CFAP70: variants seen among roughly 807,000 people sequenced by gnomAD.
The protein encoded by CFAP70 is cilia- and flagella-associated protein 70.
In CFAP70, 81 loss-of-function variants were observed where a neutral mutation model predicts 137.6. The observed-to-expected ratio is 0.59, with a 90% confidence interval of 0.49 to 0.71. The LOEUF (loss-of-function observed/expected upper bound fraction) is 0.71. Ranked by LOEUF, CFAP70 falls within the 30% of genes least tolerant of loss-of-function variation. The pLI, the probability that CFAP70 is intolerant of heterozygous loss-of-function variation, is 0.00. For missense variants in CFAP70, 976 were observed against 1,226.7 expected, an observed-to-expected ratio of 0.80 and a Z score of 3.05; for synonymous variants, 382 against 423.6, an observed-to-expected ratio of 0.90 and a Z score of 1.20.
At chr10:73,260,496 T>TA (rs61564676) in intron 25 of CFAP70, among the ~76,000 whole-genome samples, 10,433 of 152,116 alleles carry the variant, frequency 0.069, 591 homozygotes, top group East Asian at 0.29. Flanking sequence ...AGTGTCTTTA[T>TA]AAAAAAATAG....
intron 9 of CFAP70, among the ~76,000 whole-genome samples, chr10:73,322,216 C>G (rs2050926881): frequency 6.6e-6 from 1 of 152,178 alleles, no homozygotes; most frequent in Non-Finnish European, 1.5e-5. Flanking sequence ...ATGAAACCAT[C>G]ATCACAATCA....
intron 25 of CFAP70, among the ~76,000 whole-genome samples, chr10:73,268,697 T>C (rs2045986549): frequency 7.0e-6 from 1 of 142,956 alleles, no homozygotes; most frequent in Non-Finnish European, 1.5e-5. Context: ...TTTCTTCTTT[T>C]TTTTCTTTTT....
chr10:73,358,620 G>C (rs2054859701), intron 1 of CFAP70, 158 bp downstream of exon 1: 1 of 152,532 alleles, frequency 6.6e-6, no homozygotes, highest in South Asian at 2.1e-4. Flanking sequence ...AGCTAAGGGA[G>C]CAGAAGATCG....
At chr10:73,283,252 C>A (rs2047396384) in intron 19 of CFAP70, among the ~76,000 whole-genome samples, 2 of 152,054 alleles carry the variant, frequency 1.3e-5, no homozygotes, top group Non-Finnish European at 2.9e-5. Flanking sequence ...AGTTTTATTG[C>A]CTAGGATATA....
In CFAP70 at chr10:73,256,353, G is replaced by C. The variant is rs376562285; in HGVS notation, c.3075+16C>G. The C allele has an allele frequency of 5.0e-6, 8 of 1,614,026 alleles. No homozygotes were observed. The African/African-American group carries it at 1.1e-4, about 22-fold the overall frequency. ...TAACATGGGGCAGGCAAATGACAGA[G>C]GCATCTGTGTCATACCTTGATCATG... On this transcript the variant is annotated intron_variant, in intron 26 of 26. Coordinates refer to ENST00000310715, the Ensembl canonical transcript of CFAP70.
At chr10:73,355,846 T>C (rs367815984) in intron 1 of CFAP70, among the ~76,000 whole-genome samples, 2 of 152,298 alleles carry the variant, frequency 1.3e-5, no homozygotes, top group East Asian at 3.9e-4. Flanking sequence ...AAATGTAATG[T>C]GGTTGAATCA....
intron 19 of CFAP70, 42 bp from the exon 21 acceptor site, chr10:73,278,379 T>G: frequency 6.5e-7 from 1 of 1,545,280 alleles, no homozygotes; most frequent in East Asian, 2.3e-5. Context: ...ACTTCTTACA[T>G]TGGGTGTTTA....
chr10:73,295,843 C>T (rs2048511536), intron 15 of CFAP70: 1 of 152,140 alleles, frequency 6.6e-6, no homozygotes, highest in South Asian at 2.1e-4. Flanking sequence ...CCATAGCATC[C>T]ATATTTCATA....
intron 8 of CFAP70, among the ~76,000 whole-genome samples, chr10:73,327,706 A>C (rs1231133829): frequency 3.3e-5 from 5 of 152,146 alleles, no homozygotes; most frequent in Admixed American, 2.0e-4. Context: ...AGACAAACAG[A>C]CAGCCAAATC....
chr10:73,300,874 A>C (rs1227459526), intron 12 of CFAP70, among the ~76,000 whole-genome samples: 6 of 152,236 alleles, frequency 3.9e-5, no homozygotes, highest in Admixed American at 3.3e-4. Context: ...AAAATAAAAA[A>C]ATAAAAATAG....
In CFAP70 at chr10:73,275,758, GCA is replaced by G. The variant is rs2046678865; in HGVS notation, c.2521-162_2521-161del. ...GTAAAGGGTGAATTACAAACATTCT[GCA>G]CTTCATAGTTCCATTACCAGCTATT... On this transcript the variant is annotated intron_variant, in intron 21 of 26. Transcript: ENST00000310715. This position sits in a 1 kb window ranked among gnomAD's most constrained non-coding sequence, Gnocchi z 4.0. 1.7e-6 allele frequency: 1 copy of G among 602,844 alleles called. No individual in the cohort carries two copies. The highest frequency in any genetic ancestry group is 2.6e-6 in the Non-Finnish European group (1 of 377,840). The allele number at this position is 602,844 out of a possible 1,614,324, so 37.3% of individuals were successfully genotyped here.
chr10:73,346,995 A>C (rs2053767620), intron 4 of CFAP70: 1 of 152,198 alleles, frequency 6.6e-6, no homozygotes, highest in Admixed American at 6.5e-5. Flanking sequence ...TACAGATCAA[A>C]TTCTTTGTTC....
In CFAP70 at chr10:73,275,762, T is replaced by G. The variant is rs1837537225; in HGVS notation, c.2521-164A>C. On this transcript the variant is annotated intron_variant, in intron 21 of 26. Coordinates refer to ENST00000310715, the Ensembl canonical transcript of CFAP70. The surrounding 1 kb of genome is among the most constrained non-coding windows in gnomAD (Gnocchi z 4.0). ...AGGGTGAATTACAAACATTCTGCAC[T>G]TCATAGTTCCATTACCAGCTATTCA... 1.7e-6 allele frequency: 1 copy of G among 583,178 alleles called. No individual in the cohort carries two copies. Among genetic ancestry groups the G allele is most frequent in the African/African-American group, 2.0e-5 (1 of 51,278 alleles). The allele number at this position is 583,178 out of a possible 1,614,324, so 36.1% of individuals were successfully genotyped here.
At chr10:73,316,842 A>T (rs141522864) in intron 9 of CFAP70, among the ~76,000 whole-genome samples, 35 of 151,970 alleles carry the variant, frequency 2.3e-4, no homozygotes, top group African/African-American at 7.7e-4. Flanking sequence ...CTATTTCTAA[A>T]CTCCTTTGTA....
At chr10:73,336,743 G>A (rs578033298) in intron 6 of CFAP70, among the ~76,000 whole-genome samples, 12 of 151,802 alleles carry the variant, frequency 7.9e-5, no homozygotes, top group South Asian at 4.2e-4. Flanking sequence ...ACGCCACCAC[G>A]CCCGGCTAAT....
chr10:73,287,852 C>CATCTATCT (rs72556802), intron 19 of CFAP70, among the ~76,000 whole-genome samples: 9,723 of 145,868 alleles, frequency 0.067, 366 homozygotes, highest in East Asian at 0.082. Context: ...TGCATTTTAA[C>CATCTATCT]ATCTATCTAT....
Position 73,275,516 on chromosome 10 carries a change from G to A in CFAP70, c.2603C>T (p.Thr868Ile), listed in dbSNP as rs748981002. 1.9e-6 allele frequency: 3 copies of A among 1,612,090 alleles called. No individual in the cohort carries two copies. Among genetic ancestry groups the A allele is most frequent in the Non-Finnish European group, 2.5e-6 (3 of 1,179,338 alleles). ...GGCAAAGTTCTTCTTAAGAATGTGTGTTTGGGCCAGCACCAAGTAATATTC... is the reference window on the plus strand; with the variant it reads ...GGCAAAGTTCTTCTTAAGAATGTGTATTTGGGCCAGCACCAAGTAATATTC... The change falls in exon 22 of 27, where the codon ACA becomes ATA. Residue 868 changes from threonine (T) to isoleucine (I), a missense_variant. Physicochemically the swap from Thr to Ile is moderately conservative, Grantham distance 89. Transcript: ENST00000310715. This position sits in a 1 kb window ranked among gnomAD's most constrained non-coding sequence, Gnocchi z 4.0.
intron 1 of CFAP70, among the ~76,000 whole-genome samples, chr10:73,356,269 G>A (rs898646451): frequency 1.3e-5 from 2 of 150,894 alleles, no homozygotes; most frequent in Non-Finnish European, 1.5e-5. Context: ...TGTGATCACA[G>A]CTCACTGCAG....
intron 19 of CFAP70, among the ~76,000 whole-genome samples, chr10:73,279,325 C>T (rs1041351693): frequency 2.6e-5 from 4 of 151,496 alleles, no homozygotes; most frequent in Non-Finnish European, 4.4e-5. Context: ...GAGATCAAGA[C>T]CATTCTAGCT....
Sources: allele counts gnomAD v4.1 joint callset (sites outside exome capture counted in the v4.1 genomes callset), GRCh38; gene constraint gnomAD v4.1.1; non-coding constraint Gnocchi (gnomAD v3.1); transcripts MANE v1.5; gene names NCBI Gene and HGNC (gene_info 2026-07-23, HGNC 2026-07-21).